EPB41L2: variants seen among roughly 807,000 people sequenced by gnomAD.
The protein encoded by EPB41L2 is band 4.1-like protein 2.
EPB41L2 carries 43 observed loss-of-function variants against 113.0 expected under a neutral mutation model. The observed-to-expected ratio is 0.38, with a 90% CI of 0.30 to 0.49. The LOEUF (loss-of-function observed/expected upper bound fraction) is 0.49. Among genes scored for constraint, EPB41L2 ranks in the 20% least tolerant of loss-of-function variants. The pLI, the probability that EPB41L2 is intolerant of heterozygous loss-of-function variation, is 0.95. For missense variants in EPB41L2, 1,147 were observed against 1,223.4 expected, an observed-to-expected ratio of 0.94 and a Z score of 0.93; for synonymous variants, 442 against 436.7, an observed-to-expected ratio of 1.01 and a Z score of -0.15.
intron 2 of EPB41L2, 33 bp downstream of exon 2, chr6:130,955,961 T>C: frequency 6.3e-7 from 1 of 1,584,036 alleles, no homozygotes; most frequent in East Asian, 2.2e-5. Context: ...CGCTATCAGG[T>C]TTTCATTTCC....
intron 1 of EPB41L2, among the ~76,000 whole-genome samples, chr6:131,023,909 ACAGT>A (rs907607552): frequency 2.6e-5 from 4 of 152,082 alleles, no homozygotes; most frequent in African/African-American, 9.7e-5. Flanking sequence ...TTTCTGAGAG[ACAGT>A]CAGCCATTAT....
chr6:131,034,666 TG>T (rs756180138), intron 1 of EPB41L2, among the ~76,000 whole-genome samples: 1 of 152,228 alleles, frequency 6.6e-6, no homozygotes, highest in African/African-American at 2.4e-5. Flanking sequence ...TAGTTTGGCT[TG>T]AACATGTCAC....
At chr6:130,842,221 A>G (rs1045562830) in intron 19 of EPB41L2, among the ~76,000 whole-genome samples, 2 of 152,110 alleles carry the variant, frequency 1.3e-5, no homozygotes, top group Non-Finnish European at 2.9e-5. Context: ...AATCAACTTC[A>G]TTGTTTTCTA....
chr6:130,907,068 G>A (rs143059743), intron 5 of EPB41L2, among the ~76,000 whole-genome samples: 1 of 152,056 alleles, frequency 6.6e-6, no homozygotes, highest in East Asian at 1.9e-4. Flanking sequence ...TGACTCTGAA[G>A]AGAGTGGCAC....
chr6:131,036,712 A>C (rs921884692), intron 1 of EPB41L2, among the ~76,000 whole-genome samples: 7 of 152,190 alleles, frequency 4.6e-5, no homozygotes, highest in African/African-American at 1.7e-4. Context: ...ATCTGGATTG[A>C]GGCCCAGGTT....
intron 1 of EPB41L2, among the ~76,000 whole-genome samples, chr6:130,959,467 G>A (rs535361338): frequency 1.3e-5 from 2 of 152,138 alleles, no homozygotes; most frequent in South Asian, 4.2e-4. Flanking sequence ...AAGGCATGAG[G>A]GCCAGAAGAA....
intron 1 of EPB41L2, among the ~76,000 whole-genome samples, chr6:130,958,276 AC>A (rs1272375019): frequency 6.6e-6 from 1 of 152,078 alleles, no homozygotes; most frequent in Non-Finnish European, 1.5e-5. Context: ...ACATGGCGAA[AC>A]CCCATCTCTA....
In EPB41L2 at chr6:130,865,520, C is replaced by T. The variant is rs1351896752; in HGVS notation, c.2829+16G>A. The T allele has an allele frequency of 1.9e-6, 3 of 1,610,588 alleles. No homozygotes were observed. Among genetic ancestry groups the T allele is most frequent in the Non-Finnish European group, 2.5e-6 (3 of 1,177,046 alleles). On this transcript the variant is annotated intron_variant, in intron 17 of 19. Coordinates refer to ENST00000337057, the MANE Select transcript of EPB41L2 (RefSeq NM_001431.4). Reference sequence around the variant, plus strand: ...AATGTACCATCCTCTCCATATGATCCCCTGCATTGCTTTACCTTGGTGATG... The same window carrying T: ...AATGTACCATCCTCTCCATATGATCTCCTGCATTGCTTTACCTTGGTGATG...
At chr6:130,944,831 G>A (rs1187289167) in intron 3 of EPB41L2, among the ~76,000 whole-genome samples, 3 of 152,118 alleles carry the variant, frequency 2.0e-5, no homozygotes, top group Non-Finnish European at 4.4e-5. Flanking sequence ...GAGGGGGGCC[G>A]AGGTCCAGCT....
intron 13 of EPB41L2, among the ~76,000 whole-genome samples, chr6:130,879,145 T>C (rs1788486886): frequency 6.6e-6 from 1 of 152,250 alleles, no homozygotes; most frequent in Admixed American, 6.5e-5. Flanking sequence ...CTGTGGATTA[T>C]AGCTTTCATC....
At chr6:131,002,415 C>T (rs951527687) in intron 1 of EPB41L2, among the ~76,000 whole-genome samples, 3 of 152,138 alleles carry the variant, frequency 2.0e-5, no homozygotes, top group Non-Finnish European at 4.4e-5. Context: ...TAACCTAGAC[C>T]GCTAACACAG....
At chr6:130,887,967 T>A (rs1397357540) in intron 11 of EPB41L2, among the ~76,000 whole-genome samples, 1 of 152,210 alleles carries the variant, frequency 6.6e-6, no homozygotes, top group Non-Finnish European at 1.5e-5. Flanking sequence ...CATTTTGATA[T>A]TTGATCTTTA....
At chr6:130,857,617 G>A (rs1780696392) in intron 19 of EPB41L2, among the ~76,000 whole-genome samples, 2 of 135,000 alleles carry the variant, frequency 1.5e-5, no homozygotes, top group Non-Finnish European at 3.1e-5. Flanking sequence ...AGAGTTCAGT[G>A]GCGCAATGTT....
chr6:130,906,157 C>T (rs1213899846), intron 5 of EPB41L2, among the ~76,000 whole-genome samples: 1 of 152,114 alleles, frequency 6.6e-6, no homozygotes, highest in Non-Finnish European at 1.5e-5. Context: ...GTAAAGTTAT[C>T]ACAGGATTAT....
chr6:130,970,774 A>G (rs1776582480), intron 1 of EPB41L2, among the ~76,000 whole-genome samples: 1 of 152,234 alleles, frequency 6.6e-6, no homozygotes, highest in African/African-American at 2.4e-5. Context: ...CGGGGAAAGA[A>G]GCCCAGTAAA....
chr6:130,946,617 T>C (rs1409993692), intron 3 of EPB41L2, among the ~76,000 whole-genome samples: 1 of 151,768 alleles, frequency 6.6e-6, no homozygotes, highest in Non-Finnish European at 1.5e-5. Flanking sequence ...CAGGAAGCCA[T>C]AAAAAGTAGA....
chr6:131,026,305 T>C (rs1025051762), intron 1 of EPB41L2, among the ~76,000 whole-genome samples: 1 of 152,216 alleles, frequency 6.6e-6, no homozygotes. Flanking sequence ...ACCCCCATAA[T>C]ACACCATCTG....
chr6:130,987,694 T>A (rs905220446), intron 1 of EPB41L2, among the ~76,000 whole-genome samples: 1 of 118,634 alleles, frequency 8.4e-6, no homozygotes, highest in Admixed American at 9.0e-5. Flanking sequence ...CTCTGTCTCA[T>A]AAATGAATGA....
chr6:131,005,009 A>C lies in EPB41L2; in HGVS notation c.-14-48510T>G, dbSNP rs150368977. On this transcript the variant is annotated intron_variant, in intron 1 of 19. Transcript: ENST00000337057. ...ATCAAGAAATGGATAAGAAAAGCCT[A>C]AATATGTTTGTCTGTTTTTACTTAC... Among the ~76,000 whole-genome samples, 718 of 152,352 alleles carry C rather than the reference A, an allele frequency of 4.7e-3. 1 individual carries two copies. Among genetic ancestry groups the C allele is most frequent in the Middle Eastern group, 0.01 (3 of 294 alleles).
Sources: gnomAD v4.1 joint callset for allele counts (sites outside exome capture counted in the v4.1 genomes callset) on GRCh38, gnomAD v4.1.1 for gene constraint, MANE v1.5 for transcripts, NCBI Gene and HGNC (gene_info 2026-07-23, HGNC 2026-07-21) for gene names.